SLC22A23: variants seen among roughly 807,000 people sequenced by gnomAD.
SLC22A23 encodes the protein solute carrier family 22 member 23.
In SLC22A23, 26 loss-of-function variants were observed where a neutral mutation model predicts 61.0. That is an observed-to-expected ratio of 0.43 (90% CI 0.31 to 0.59). SLC22A23 has a LOEUF of 0.59. Among genes scored for constraint, SLC22A23 ranks in the 20% least tolerant of loss-of-function variants. The pLI is 0.11. For missense variants in SLC22A23, 796 were observed against 934.7 expected (o/e 0.85, Z 1.94); for synonymous variants, 430 against 413.9 (o/e 1.04, Z -0.47).
chr6:3,362,276 C>A lies in SLC22A23; in HGVS notation c.914-38274G>T, dbSNP rs184552567. Reference sequence around the variant, plus strand: ...AAAATTAGCTGGGCGTGGTAGCATGCGCCTGTAGTCCCAGCTACTCGGGAG... The same window carrying A: ...AAAATTAGCTGGGCGTGGTAGCATGAGCCTGTAGTCCCAGCTACTCGGGAG... On this transcript the variant is annotated intron_variant, in intron 3 of 9. Transcript: ENST00000406686. 1.3e-3 allele frequency among the ~76,000 whole-genome samples: 203 copies of A among 151,158 alleles called. 1 individual carries two copies. In the East Asian group the frequency reaches 0.029, roughly 22 times the overall value.
At chr6:3,388,883 A>G (rs1418056760) in intron 3 of SLC22A23, among the ~76,000 whole-genome samples, 1 of 152,146 alleles carries the variant, frequency 6.6e-6, no homozygotes, top group Non-Finnish European at 1.5e-5. Context: ...AGAGACAGAC[A>G]GCAGAATGGG....
Position 3,297,736 on chromosome 6 carries a change from C to A in SLC22A23, c.1210+355G>T, listed in dbSNP as rs932616324. Among the ~76,000 whole-genome samples, 1 of 151,370 alleles carries A rather than the reference C, an allele frequency of 6.6e-6. No homozygotes were observed. Among genetic ancestry groups the A allele is most frequent in the Non-Finnish European group, 1.5e-5 (1 of 67,786 alleles). On this transcript the variant is annotated intron_variant, in intron 5 of 9. Transcript: ENST00000406686. This position sits in a 1 kb window ranked among gnomAD's most constrained non-coding sequence, Gnocchi z 4.3. ...CTCAGGAAAGCTGAGGTCACAGGGG[C>A]CATCTACACCCTGAGCCAGCGCTCT...
intron 4 of SLC22A23, among the ~76,000 whole-genome samples, chr6:3,319,998 A>C (rs1762857113): frequency 6.6e-6 from 1 of 152,212 alleles, no homozygotes; most frequent in Admixed American, 6.5e-5. Flanking sequence ...AAGATCTCCC[A>C]GTCCTGTGGC....
At chr6:3,319,503 C>T (rs1762828468) in intron 4 of SLC22A23, among the ~76,000 whole-genome samples, 1 of 152,164 alleles carries the variant, frequency 6.6e-6, no homozygotes, top group African/African-American at 2.4e-5. Context: ...CGCCTCTGCC[C>T]CACAATGTGC....
Position 3,368,136 on chromosome 6 carries a change from A to C in SLC22A23, c.913+42052T>G, listed in dbSNP as rs184663716. Among the ~76,000 whole-genome samples the C allele has an allele frequency of 3.5e-4, 54 of 152,300 alleles. No individual in the cohort carries two copies. In the East Asian group the frequency reaches 0.01, roughly 28 times the overall value. On this transcript the variant is annotated intron_variant, in intron 3 of 9. Coordinates refer to ENST00000406686, the MANE Select transcript of SLC22A23 (RefSeq NM_015482.2). ...ACAAATGCTGCTTTCTGGAAACAGA[A>C]GGTTTATTTGAATCCTTGGTCCTAC...
Position 3,304,840 on chromosome 6 carries a change from G to A in SLC22A23, c.1083-6622C>T, listed in dbSNP as rs1016160779. Reference sequence around the variant, plus strand: ...GTGCATTTGTTGTGTTCAGAGAGCTGCAAGCTGATAAACCCGAATGCTGGG... The same window carrying A: ...GTGCATTTGTTGTGTTCAGAGAGCTACAAGCTGATAAACCCGAATGCTGGG... On this transcript the variant is annotated intron_variant, in intron 4 of 9. Coordinates refer to ENST00000406686, the MANE Select transcript of SLC22A23 (RefSeq NM_015482.2). The surrounding 1 kb of genome is among the most constrained non-coding windows in gnomAD (Gnocchi z 4.3). Among the ~76,000 whole-genome samples the A allele has an allele frequency of 3.3e-5, 5 of 152,178 alleles. No individual in the cohort carries two copies. Among genetic ancestry groups the A allele is most frequent in the African/African-American group, 1.2e-4 (5 of 41,430 alleles).
chr6:3,340,078 G>A (rs2127420743), intron 3 of SLC22A23, among the ~76,000 whole-genome samples: 2 of 152,280 alleles, frequency 1.3e-5, no homozygotes, highest in South Asian at 4.2e-4. Flanking sequence ...TCCCCACAGG[G>A]GAGGTGCTTC....
At chr6:3,288,381 G>T (rs1358116745) in intron 6 of SLC22A23, among the ~76,000 whole-genome samples, 1 of 152,236 alleles carries the variant, frequency 6.6e-6, no homozygotes, top group East Asian at 1.9e-4. Flanking sequence ...CCCATAGGGG[G>T]AAGCCACCCC....
chr6:3,401,648 C>T (rs1768399963), intron 3 of SLC22A23, among the ~76,000 whole-genome samples: 1 of 152,172 alleles, frequency 6.6e-6, no homozygotes, highest in Non-Finnish European at 1.5e-5. Context: ...CTGCTGTCAG[C>T]CCCTTCCTTG....
In SLC22A23 at chr6:3,435,308, T is replaced by A. The variant is rs574418604; in HGVS notation, c.655-19453A>T. Among the ~76,000 whole-genome samples, 31 of 151,134 alleles carry A rather than the reference T, an allele frequency of 2.1e-4. No individual in the cohort carries two copies. The East Asian group carries it at 4.3e-3, about 21-fold the overall frequency. Reference sequence around the variant, plus strand: ...CCCTCCCTTCCCTCTCCCTTCCTCATCTCTTCCTCCTGTTTCTCCCCACTT... The same window carrying A: ...CCCTCCCTTCCCTCTCCCTTCCTCAACTCTTCCTCCTGTTTCTCCCCACTT... On this transcript the variant is annotated intron_variant, in intron 1 of 9. Coordinates refer to ENST00000406686, the MANE Select transcript of SLC22A23 (RefSeq NM_015482.2).
At chr6:3,442,364 A>G (rs987891926) in intron 1 of SLC22A23, among the ~76,000 whole-genome samples, 12 of 152,202 alleles carry the variant, frequency 7.9e-5, no homozygotes, top group African/African-American at 2.9e-4. Context: ...ATGAGGATGC[A>G]CCTAAAGCCA....
At chr6:3,446,053 G>A (rs1771881414) in intron 1 of SLC22A23, among the ~76,000 whole-genome samples, 1 of 152,200 alleles carries the variant, frequency 6.6e-6, no homozygotes, top group African/African-American at 2.4e-5. Flanking sequence ...GCCCAGAGAG[G>A]TGTTCTGCGG....
At chr6:3,389,352 G>A (rs377199802) in intron 3 of SLC22A23, among the ~76,000 whole-genome samples, 30 of 148,944 alleles carry the variant, frequency 2.0e-4, no homozygotes, top group African/African-American at 7.1e-4. Flanking sequence ...ATGCGAATAC[G>A]CTTAACATTA....
At chr6:3,292,931 G>A (rs1426312723) in intron 5 of SLC22A23, among the ~76,000 whole-genome samples, 1 of 152,224 alleles carries the variant, frequency 6.6e-6, no homozygotes, top group Admixed American at 6.5e-5. Flanking sequence ...CAGAGGGAGG[G>A]AAAGGAGGCC....
At position 3,454,006 on chromosome 6, in the gene SLC22A23, T is replaced by C. The variant is rs72844672; in HGVS notation, c.654+1900A>G. On this transcript the variant is annotated intron_variant, in intron 1 of 9. Coordinates refer to ENST00000406686, the MANE Select transcript of SLC22A23 (RefSeq NM_015482.2). This position sits in a 1 kb window ranked among gnomAD's most constrained non-coding sequence, Gnocchi z 4.3. ...GCTCTTTGAAGCATTTGTTATGTGC[T>C]TGAAACACACAGAACACTGGGAAGG... Among the ~76,000 whole-genome samples the C allele has an allele frequency of 0.011, 1,606 of 152,352 alleles. 12 individuals carry two copies. The highest frequency in any genetic ancestry group is 0.015 in the Non-Finnish European group (1,038 of 68,028).
intron 4 of SLC22A23, chr6:3,323,292 T>C (rs1368664188): frequency 8.8e-6 from 4 of 456,536 alleles, no homozygotes; most frequent in South Asian, 4.6e-5. Context: ...ACTCTGTGAA[T>C]AGCCAGAAAG....
intron 4 of SLC22A23, among the ~76,000 whole-genome samples, chr6:3,298,769 G>A (rs1174108918): frequency 4.6e-5 from 7 of 151,762 alleles, no homozygotes; most frequent in Non-Finnish European, 1.0e-4. Context: ...TCAGGAGATC[G>A]AGACCATCCT....
At chr6:3,371,100 T>C (rs762765413) in intron 3 of SLC22A23, among the ~76,000 whole-genome samples, 1 of 152,214 alleles carries the variant, frequency 6.6e-6, no homozygotes, top group Non-Finnish European at 1.5e-5. Flanking sequence ...TTTTCAGACT[T>C]AGAGTGATTA....
At chr6:3,319,224 C>T (rs1762810821) in intron 4 of SLC22A23, among the ~76,000 whole-genome samples, 1 of 152,168 alleles carries the variant, frequency 6.6e-6, no homozygotes, top group African/African-American at 2.4e-5. Context: ...CACTTCTGTC[C>T]CCTCTTGTCC....
Sources: allele counts gnomAD v4.1 joint callset (sites outside exome capture counted in the v4.1 genomes callset), GRCh38; gene constraint gnomAD v4.1.1; non-coding constraint Gnocchi (gnomAD v3.1); transcripts MANE v1.5; gene names NCBI Gene and HGNC (gene_info 2026-07-23, HGNC 2026-07-21).